Variants in GOLGA5 observed in about 807,000 individuals in gnomAD.
GOLGA5 encodes golgin A5, also known as golgin subfamily A member 5.
Under a neutral mutation model 93.5 loss-of-function variants are expected in GOLGA5, and 50 were observed. The ratio of observed to expected loss-of-function variants is 0.53; its 90% CI spans 0.43 to 0.68. GOLGA5 has a LOEUF of 0.68. Among genes scored for constraint, GOLGA5 ranks in the 30% least tolerant of loss-of-function variants. GOLGA5 has a pLI of 0.00. For missense variants in GOLGA5, 760 were observed against 856.4 expected (o/e 0.89, Z 1.40); for synonymous variants, 312 against 304.5 (o/e 1.02, Z -0.26).
At chr14:92,820,585 C>G (rs1288869465) in intron 8 of GOLGA5, among the ~76,000 whole-genome samples, 1 of 152,200 alleles carries the variant, frequency 6.6e-6, no homozygotes, top group East Asian at 1.9e-4. Context: ...GGGGGACGGT[C>G]AGGTCTTTCC....
rs1884843899 is a variant in GOLGA5 at position 92,800,414 on chromosome 14, G to A, written c.544+2433G>A. 2.6e-5 allele frequency among the ~76,000 whole-genome samples: 4 copies of A among 152,366 alleles called. No individual in the cohort carries two copies. The South Asian group carries it at 8.3e-4, about 32-fold the overall frequency. ...AGAGAGAACAGACTCTAAGAGGCTA[G>A]TAGAGTAGAAAACATTGTAACAAAG... On this transcript the variant is annotated intron_variant, in intron 2 of 12. Coordinates refer to ENST00000163416, the MANE Select transcript of GOLGA5 (RefSeq NM_005113.4).
intron 8 of GOLGA5, among the ~76,000 whole-genome samples, chr14:92,823,352 A>AT (rs1885352607): frequency 6.6e-6 from 1 of 150,460 alleles, no homozygotes. Flanking sequence ...AATTTCTGAG[A>AT]TTTTATATGT....
At chr14:92,823,779 AAAAG>A (rs1456107848) in intron 8 of GOLGA5, among the ~76,000 whole-genome samples, 2 of 152,120 alleles carry the variant, frequency 1.3e-5, no homozygotes, top group Non-Finnish European at 2.9e-5. Context: ...TTTTTTTAAA[AAAAG>A]CAGCTTTTGT....
chr14:92,827,705 A>G lies in GOLGA5; in HGVS notation c.1719+3061A>G, dbSNP rs902585664. Among the ~76,000 whole-genome samples the G allele has an allele frequency of 3.9e-5, 6 of 152,232 alleles. No individual in the cohort carries two copies. In the East Asian group the frequency reaches 7.7e-4, roughly 20 times the overall value. On this transcript the variant is annotated intron_variant, in intron 9 of 12. Coordinates refer to ENST00000163416, the MANE Select transcript of GOLGA5 (RefSeq NM_005113.4). ...GCAAGATAGGCCCAAAACTAGGCCTATTGGCACCAGTCAGCCAAGTTTTAA... is the reference window on the plus strand; with the variant it reads ...GCAAGATAGGCCCAAAACTAGGCCTGTTGGCACCAGTCAGCCAAGTTTTAA...
chr14:92,795,507 TA>T (rs1381198511), intron 1 of GOLGA5, among the ~76,000 whole-genome samples: 1 of 152,088 alleles, frequency 6.6e-6, no homozygotes, highest in African/African-American at 2.4e-5. Flanking sequence ...ACATTTGCTT[TA>T]AAAAAAGGAT....
At position 92,810,375 on chromosome 14, in the gene GOLGA5, C is replaced by G; in HGVS notation, c.1114C>G (p.Gln372Glu). ...KREQESYKQM[Q>E]SEFAARLNKV... ...AGAGCAGGAGAGCTATAAACAGATGCAGGTTAGAATGAGAGACAGCAGATT... is the reference window on the plus strand; with the variant it reads ...AGAGCAGGAGAGCTATAAACAGATGGAGGTTAGAATGAGAGACAGCAGATT... The change falls in exon 5 of 13, where the codon CAG (glutamine) becomes GAG (glutamate). Residue 372 changes from glutamine (Q) to glutamate (E), a missense_variant and splice_region_variant. Coordinates refer to ENST00000163416, the MANE Select transcript of GOLGA5 (RefSeq NM_005113.4). 6.4e-7 allele frequency: 1 copy of G among 1,569,772 alleles called. No individual in the cohort carries two copies. Among genetic ancestry groups the G allele is most frequent in the Non-Finnish European group, 8.6e-7 (1 of 1,162,750 alleles).
chr14:92,835,827 T>C (rs946337997), intron 11 of GOLGA5, among the ~76,000 whole-genome samples, 163 bp downstream of exon 11: 27 of 152,344 alleles, frequency 1.8e-4, no homozygotes, highest in African/African-American at 6.5e-4. Context: ...TTCACAGTTA[T>C]ATTACACTTT....
intron 9 of GOLGA5, among the ~76,000 whole-genome samples, chr14:92,825,650 C>T (rs776291788): frequency 2.6e-5 from 4 of 152,164 alleles, no homozygotes; most frequent in Non-Finnish European, 5.9e-5. Flanking sequence ...CGCTTCAGCT[C>T]AGCAGTTTGA....
At chr14:92,804,466 C>T (rs1884938764) in intron 2 of GOLGA5, among the ~76,000 whole-genome samples, 1 of 151,894 alleles carries the variant, frequency 6.6e-6, no homozygotes, top group Non-Finnish European at 1.5e-5. Flanking sequence ...CACTCATGGC[C>T]ATTCATGTTT....
At position 92,797,750 on chromosome 14, in the gene GOLGA5, A is replaced by G. The variant is rs1354177746; in HGVS notation, c.313A>G (p.Arg105Gly). 2 of 1,613,298 alleles carry G rather than the reference A, an allele frequency of 1.2e-6. No homozygotes were observed. The highest frequency in any genetic ancestry group is 2.7e-5 in the African/African-American group (2 of 74,864). The change falls in exon 2 of 13, where the codon AGG becomes GGG. Residue 105 changes from arginine (R) to glycine (G), a missense_variant. Coordinates refer to ENST00000163416, the MANE Select transcript of GOLGA5 (RefSeq NM_005113.4). ...SHPVENASVP[R>G]PSSHFVRRKK... ...TCCTGTTGAAAATGCATCTGTTCCT[A>G]GGCCTTCATCCCATTTTGTGCGAAG...
At chr14:92,832,491 A>G in intron 9 of GOLGA5, among the ~76,000 whole-genome samples, 1 of 152,240 alleles carries the variant, frequency 6.6e-6, no homozygotes, top group East Asian at 1.9e-4. Context: ...GTTAAGTATC[A>G]ACTTTCAGCC....
At chr14:92,807,949 A>T (rs1320102535) in intron 3 of GOLGA5, among the ~76,000 whole-genome samples, 1 of 152,100 alleles carries the variant, frequency 6.6e-6, no homozygotes, top group East Asian at 1.9e-4. Context: ...TTGAAGACTC[A>T]CTAAGCTAGG....
chr14:92,835,703 C>A, intron 11 of GOLGA5, 39 bp downstream of exon 11: 2 of 1,249,864 alleles, frequency 1.6e-6, no homozygotes, highest in Non-Finnish European at 2.3e-6. Context: ...GGACCATCAG[C>A]TGTTTTTACG....
At chr14:92,819,417 C>T (rs754338663) in intron 7 of GOLGA5, among the ~76,000 whole-genome samples, 59 of 151,898 alleles carry the variant, frequency 3.9e-4, no homozygotes, top group Non-Finnish European at 5.0e-4. Context: ...TTGTTTGAGG[C>T]CAGGACTTTG....
At chr14:92,825,018 A>C (rs1356753730) in intron 9 of GOLGA5, among the ~76,000 whole-genome samples, 3 of 152,204 alleles carry the variant, frequency 2.0e-5, no homozygotes, top group African/African-American at 7.2e-5. Context: ...AGTCTTCCAT[A>C]AAGTCACCAA....
rs145331070 is a variant in GOLGA5, at chr14:92,797,794, T to G, written c.357T>G (p.Asp119Glu). ...HFVRRKKSEP[D>E]DELLFDFLNS... ...TGCGAAGAAAAAAGTCAGAACCTGATGATGAGCTGCTGTTTGATTTTCTTA... is the reference window on the plus strand; with the variant it reads ...TGCGAAGAAAAAAGTCAGAACCTGAGGATGAGCTGCTGTTTGATTTTCTTA... The change falls in exon 2 of 13, where the codon GAT (aspartate) becomes GAG (glutamate). Residue 119 changes from aspartate (D) to glutamate (E), a missense_variant. Asp to Glu is a conservative substitution (Grantham distance 45). Coordinates refer to ENST00000163416, the MANE Select transcript of GOLGA5 (RefSeq NM_005113.4). The G allele has an allele frequency of 2.5e-6, 4 of 1,613,932 alleles. No homozygotes were observed. In the African/African-American group the frequency reaches 5.3e-5, roughly 22 times the overall value.
At chr14:92,794,592 CTGAGGA>C (rs1212647423) in intron 1 of GOLGA5, 136 bp downstream of exon 1, 1 of 152,540 alleles carries the variant, frequency 6.6e-6, no homozygotes, top group Non-Finnish European at 1.5e-5. Flanking sequence ...CTGTTAGGGG[CTGAGGA>C]GGGTAACTGG....
In GOLGA5 at chr14:92,806,702, C is replaced by T. The variant is rs1308616004; in HGVS notation, c.545-34C>T. 19 of 1,425,270 alleles carry T rather than the reference C, an allele frequency of 1.3e-5. No homozygotes were observed. The Admixed American group carries it at 2.9e-4, about 22-fold the overall frequency. The allele number at this position is 1,425,270 out of a possible 1,614,324, so 88.3% of individuals were successfully genotyped here. Reference sequence around the variant, plus strand: ...TGTTAATGCATATGTGATGAACACGCCAATGTAACAAAAACGTATTCTTTT... The same window carrying T: ...TGTTAATGCATATGTGATGAACACGTCAATGTAACAAAAACGTATTCTTTT... On this transcript the variant is annotated intron_variant, in intron 2 of 12. Transcript: ENST00000163416.
intron 11 of GOLGA5, among the ~76,000 whole-genome samples, chr14:92,836,516 G>A (rs1885644557): frequency 6.6e-6 from 1 of 152,026 alleles, no homozygotes; most frequent in Non-Finnish European, 1.5e-5. Context: ...AAGCAGAAAG[G>A]GGTATTGCTT....
Sources: allele counts gnomAD v4.1 joint callset (sites outside exome capture counted in the v4.1 genomes callset), GRCh38; gene constraint gnomAD v4.1.1; transcripts MANE v1.5; gene names NCBI Gene and HGNC (gene_info 2026-07-23, HGNC 2026-07-21).